Variants in TBPL1 observed in about 807,000 individuals in gnomAD.
TBPL1 encodes TATA box-binding protein-like 1.
TBPL1 carries 4 observed loss-of-function variants against 22.1 expected under a neutral mutation model. The observed-to-expected ratio is 0.18, with a 90% CI of 0.09 to 0.41. TBPL1 has a LOEUF of 0.41. Ranked by LOEUF, TBPL1 falls within the 10% of genes least tolerant of loss-of-function variation. The pLI is 1.00. For missense variants in TBPL1, 115 were observed against 222.3 expected (o/e 0.52, Z 3.07); for synonymous variants, 64 against 71.0 (o/e 0.90, Z 0.50).
intron 1 of TBPL1, among the ~76,000 whole-genome samples, chr6:133,960,461 C>T (rs887721932): frequency 1.3e-5 from 2 of 149,770 alleles, no homozygotes; most frequent in African/African-American, 4.9e-5. Flanking sequence ...CAACACTACT[C>T]CTTGGCTGTG....
intron 1 of TBPL1, among the ~76,000 whole-genome samples, chr6:133,960,587 G>T (rs1436049782): frequency 6.6e-6 from 1 of 152,026 alleles, no homozygotes; most frequent in Non-Finnish European, 1.5e-5. Flanking sequence ...CTAGGCTTTT[G>T]GTTTTGGCCT....
At chr6:133,958,219 T>C (rs893921703) in intron 1 of TBPL1, among the ~76,000 whole-genome samples, 3 of 152,224 alleles carry the variant, frequency 2.0e-5, no homozygotes, top group African/African-American at 7.2e-5. Context: ...GTATGATACT[T>C]CTGAATAAAA....
chr6:133,957,901 T>G (rs1325610936), intron 1 of TBPL1, among the ~76,000 whole-genome samples: 2 of 152,246 alleles, frequency 1.3e-5, no homozygotes, highest in Non-Finnish European at 2.9e-5. Flanking sequence ...ATTTTAAAGG[T>G]GAACTGTTGG....
At chr6:133,978,793 CTTTA>C (rs923282933) in intron 1 of TBPL1, among the ~76,000 whole-genome samples, 3 of 152,158 alleles carry the variant, frequency 2.0e-5, no homozygotes, top group Non-Finnish European at 2.9e-5. Context: ...ACAAGACCTT[CTTTA>C]TTTAGACTCT....
At position 133,980,356 on chromosome 6, in the gene TBPL1, G is replaced by A. The variant is rs1776387425; in HGVS notation, c.135+96G>A. 2.2e-6 allele frequency: 3 copies of A among 1,363,544 alleles called. No individual in the cohort carries two copies. In the Admixed American group the frequency reaches 7.7e-5, roughly 35 times the overall value. The allele number at this position is 1,363,544 out of a possible 1,614,324, so 84.5% of individuals were successfully genotyped here. On this transcript the variant is annotated intron_variant, in intron 2 of 6. Transcript: ENST00000237264. ...TATTCATTCTACAGATAGTTTATGA[G>A]CACCTTACCATGTGCTGGTTGTCCT...
chr6:133,961,960 G>A (rs1776032806), intron 1 of TBPL1, among the ~76,000 whole-genome samples: 1 of 152,020 alleles, frequency 6.6e-6, no homozygotes, highest in Admixed American at 6.6e-5. Flanking sequence ...ATTTTGTTCT[G>A]AGCTGTATTC....
rs890166971 is a variant in TBPL1, at chr6:133,988,450, G to C, written c.*1410G>C. 6.6e-6 allele frequency: 1 copy of C among 152,138 alleles called. No individual in the cohort carries two copies. The highest frequency in any genetic ancestry group is 1.5e-5 in the Non-Finnish European group (1 of 68,008). The allele number at this position is 152,138 out of a possible 1,614,324, so 9.4% of individuals were successfully genotyped here. A position where few individuals can be genotyped will look rare whatever the true frequency, so the allele number is the denominator to read the frequency against. On this transcript the variant is annotated 3_prime_UTR_variant, in exon 7 of 7. Transcript: ENST00000237264. Reference sequence around the variant, plus strand: ...AATGGGGACAATATTCCAACACAATGTTCCACAAAAACTTGTATTTCCAAA... The same window carrying C: ...AATGGGGACAATATTCCAACACAATCTTCCACAAAAACTTGTATTTCCAAA...
intron 6 of TBPL1, chr6:133,985,853 G>A (rs976394320): frequency 1.3e-5 from 2 of 152,104 alleles, no homozygotes; most frequent in Non-Finnish European, 1.5e-5. Flanking sequence ...TGGGATGATA[G>A]GAGACGAGTC....
At chr6:133,986,871 C>A in intron 6 of TBPL1, 90 bp from the exon 7 acceptor site, 1 of 855,190 alleles carries the variant, frequency 1.2e-6, no homozygotes, top group Non-Finnish European at 1.8e-6. Flanking sequence ...TTCTATACCA[C>A]TTGAATATTT....
At chr6:133,952,811 C>G (rs1471757054), upstream of TBPL1, 1 of 152,082 alleles carries the variant, frequency 6.6e-6, no homozygotes, top group Non-Finnish European at 1.5e-5. The surrounding 1 kb of genome is among the most constrained non-coding windows in gnomAD (Gnocchi z 4.5). Flanking sequence ...TGAGAAAGTT[C>G]TACGGTTTTG....
chr6:133,963,347 A>T lies in TBPL1; in HGVS notation c.-45+9922A>T, dbSNP rs773662657. Reference sequence around the variant, plus strand: ...GAAATATTTTCAAAATTAGGGCCCTATCAAGGTCAATTAAATCTGTATTTG... The same window carrying T: ...GAAATATTTTCAAAATTAGGGCCCTTTCAAGGTCAATTAAATCTGTATTTG... On this transcript the variant is annotated intron_variant, in intron 1 of 6. Coordinates refer to ENST00000237264, the MANE Select transcript of TBPL1 (RefSeq NM_004865.4). 2.2e-4 allele frequency among the ~76,000 whole-genome samples: 34 copies of T among 152,216 alleles called. 1 individual carries two copies. Among genetic ancestry groups the T allele is most frequent in the Admixed American group, 6.5e-5 (1 of 15,290 alleles).
At chr6:133,985,335 T>TATATATATATATATATATAC (rs1582586765) in intron 6 of TBPL1, among the ~76,000 whole-genome samples, 1 of 106,618 alleles carries the variant, frequency 9.4e-6, no homozygotes, top group Non-Finnish European at 1.8e-5. Context: ...TATATATATA[T>TATATATATATATATATATAC]ATACACACAT....
rs1249094140 is a variant in TBPL1 at position 133,989,830 on chromosome 6, G to A, written c.*2790G>A. ...AGGAAAATTCCAAGCTAAATAAAAA[G>A]GAGCTTTGGCTCTTAGGATTCTCTT... On this transcript the variant is annotated 3_prime_UTR_variant, in exon 7 of 7. Transcript: ENST00000237264. 1 of 152,204 alleles carries A rather than the reference G, an allele frequency of 6.6e-6. No homozygotes were observed. The highest frequency in any genetic ancestry group is 2.4e-5 in the African/African-American group (1 of 41,470). The allele number at this position is 152,204 out of a possible 1,614,324, so 9.4% of individuals were successfully genotyped here. A position where few individuals can be genotyped will look rare whatever the true frequency, so the allele number is the denominator to read the frequency against.
intron 2 of TBPL1, among the ~76,000 whole-genome samples, chr6:133,982,316 A>G (rs1440210953): frequency 6.6e-6 from 1 of 152,214 alleles, no homozygotes; most frequent in Non-Finnish European, 1.5e-5. Flanking sequence ...CTTGGAGTAC[A>G]TTGATTTCAA....
At chr6:133,969,581 T>C (rs1025624399) in intron 1 of TBPL1, among the ~76,000 whole-genome samples, 1 of 152,200 alleles carries the variant, frequency 6.6e-6, no homozygotes, top group Non-Finnish European at 1.5e-5. Context: ...TGGTAAAATA[T>C]ACAGTCTTTT....
At chr6:133,976,867 G>A (rs1428949652) in intron 1 of TBPL1, among the ~76,000 whole-genome samples, 1 of 151,492 alleles carries the variant, frequency 6.6e-6, no homozygotes, top group Non-Finnish European at 1.5e-5. Flanking sequence ...GGTGCCTGAG[G>A]CTGAAGCAGA....
chr6:133,963,874 CAAAAAA>C (rs1232594843), intron 1 of TBPL1, among the ~76,000 whole-genome samples: 2 of 94,438 alleles, frequency 2.1e-5, no homozygotes, highest in African/African-American at 3.8e-5. Flanking sequence ...ACTAAAAATA[CAAAAAA>C]AAAAAAAAAA....
At position 133,970,614 on chromosome 6, in the gene TBPL1, C is replaced by CT. The variant is rs781630229; in HGVS notation, c.-44-9456dup. On this transcript the variant is annotated intron_variant, in intron 1 of 6. Coordinates refer to ENST00000237264, the MANE Select transcript of TBPL1 (RefSeq NM_004865.4). Reference sequence around the variant, plus strand: ...AAGGTTTGTTTTTGTTTTGTTTTTGCTTTTTTTTTTTTGAGACAGGGTCTC... The same window carrying CT: ...AAGGTTTGTTTTTGTTTTGTTTTTGCTTTTTTTTTTTTTGAGACAGGGTCTC... 8.2e-3 allele frequency among the ~76,000 whole-genome samples: 1,165 copies of CT among 142,584 alleles called. 14 individuals carry two copies. The highest frequency in any genetic ancestry group is 0.027 in the African/African-American group (1,064 of 39,242). The allele number at this position is 142,584 out of a possible 152,430, so 93.5% of individuals were successfully genotyped here.
At chr6:133,957,280 G>A (rs1775943747) in intron 1 of TBPL1, among the ~76,000 whole-genome samples, 1 of 152,196 alleles carries the variant, frequency 6.6e-6, no homozygotes, top group Non-Finnish European at 1.5e-5. Flanking sequence ...CAGAAGTTTG[G>A]CTGTTGGTTA....
Sources: allele counts gnomAD v4.1 joint callset (sites outside exome capture counted in the v4.1 genomes callset), GRCh38; gene constraint gnomAD v4.1.1; non-coding constraint Gnocchi (gnomAD v3.1); transcripts MANE v1.5; gene names NCBI Gene and HGNC (gene_info 2026-07-23, HGNC 2026-07-21).